The following ZNF536 variants were observed in gnomAD, a reference collection of about 807,000 sequenced individuals.
The protein encoded by ZNF536 is zinc finger protein 536.
ZNF536 carries 13 observed loss-of-function variants against 84.5 expected under a neutral mutation model. The ratio of observed to expected loss-of-function variants is 0.15; its 90% CI spans 0.10 to 0.24. The LOEUF is 0.24. Among genes scored for constraint, ZNF536 ranks in the 10% least tolerant of loss-of-function variants. ZNF536 has a pLI of 1.00. For missense variants in ZNF536, 1,536 were observed against 1,747.5 expected, an observed-to-expected ratio of 0.88 and a Z score of 2.16; for synonymous variants, 811 against 742.5, an observed-to-expected ratio of 1.09 and a Z score of -1.50.
At chr19:30,488,109 A>G (rs914686512) in intron 2 of ZNF536, among the ~76,000 whole-genome samples, 2 of 152,074 alleles carry the variant, frequency 1.3e-5, no homozygotes, top group African/African-American at 4.8e-5. Flanking sequence ...AGCCCTGTTC[A>G]ATTCTTCTTC....
At chr19:30,388,911 G>A (rs2049460848) in intron 1 of ZNF536, among the ~76,000 whole-genome samples, 1 of 152,160 alleles carries the variant, frequency 6.6e-6, no homozygotes, top group Non-Finnish European at 1.5e-5. Context: ...ATTTATGTAG[G>A]GTGAGCTGAC....
intron 1 of ZNF536, among the ~76,000 whole-genome samples, chr19:30,391,981 C>T (rs116994397): frequency 3.3e-4 from 50 of 152,236 alleles, no homozygotes; most frequent in African/African-American, 7.9e-4. Context: ...TATCCTCCCC[C>T]CTTCACCCCC....
At chr19:30,680,262 A>ATT (rs2050914317) in intron 1 of ZNF536, among the ~76,000 whole-genome samples, 13 of 78,232 alleles carry the variant, frequency 1.7e-4, no homozygotes, top group African/African-American at 3.8e-4. Context: ...TTATTTTATT[A>ATT]TTATTATACT....
At chr19:30,320,181 T>TA (rs907547722) in intron 2 of ZNF536, among the ~76,000 whole-genome samples, 2 of 152,040 alleles carry the variant, frequency 1.3e-5, no homozygotes, top group Non-Finnish European at 2.9e-5. Flanking sequence ...ATCACATGAT[T>TA]AAAAAAAACA....
intron 1 of ZNF536, among the ~76,000 whole-genome samples, chr19:30,668,190 A>G (rs2050406197): frequency 6.6e-6 from 1 of 152,220 alleles, no homozygotes; most frequent in Admixed American, 6.5e-5. Context: ...TCTCCAGGAA[A>G]TAAATTTTTG....
rs116935784 is a variant in ZNF536, at chr19:30,524,061, C to T, written c.2171-10786C>T. On this transcript the variant is annotated intron_variant, in intron 2 of 4. Coordinates refer to ENST00000355537, the MANE Select transcript of ZNF536 (RefSeq NM_014717.3). ...CACCCCGTGCCCAGGCCAGCCAATC[C>T]GACGGCGGCAGGCTCACAAGCCATT... 2.5e-4 allele frequency among the ~76,000 whole-genome samples: 38 copies of T among 152,314 alleles called. No homozygotes were observed. In the East Asian group the frequency reaches 5.6e-3, roughly 22 times the overall value.
At chr19:30,667,009 C>T (rs1363530040) in intron 1 of ZNF536, among the ~76,000 whole-genome samples, 2 of 152,080 alleles carry the variant, frequency 1.3e-5, no homozygotes, top group Admixed American at 6.5e-5. Flanking sequence ...TATCGCCTGA[C>T]CCTTGGGGCA....
chr19:30,375,576 A>G (rs2048784228), intron 1 of ZNF536, among the ~76,000 whole-genome samples: 1 of 152,082 alleles, frequency 6.6e-6, no homozygotes, highest in Non-Finnish European at 1.5e-5. Flanking sequence ...GGGGTGTGGG[A>G]GGTCCCGGGA....
intron 1 of ZNF536, among the ~76,000 whole-genome samples, chr19:30,672,628 AT>A (rs2050600298): frequency 6.6e-6 from 1 of 152,232 alleles, no homozygotes; most frequent in Non-Finnish European, 1.5e-5. Context: ...ATGGGGGAGA[AT>A]GATGAGAAGC....
intron 2 of ZNF536, among the ~76,000 whole-genome samples, chr19:30,450,020 GAAGAAA>G (rs36206792): frequency 0.55 from 78,470 of 143,702 alleles, 21,947 homozygotes; most frequent in Non-Finnish European, 0.62. Context: ...GCACCCAAAA[GAAGAAA>G]AAGAAAAAGA....
intron 2 of ZNF536, among the ~76,000 whole-genome samples, chr19:30,525,251 C>G (rs1317024525): frequency 6.6e-6 from 1 of 152,164 alleles, no homozygotes; most frequent in Admixed American, 6.5e-5. Context: ...GGCCTCCTCA[C>G]CCTGCAATCA....
At chr19:30,484,434 C>T in intron 2 of ZNF536, among the ~76,000 whole-genome samples, 1 of 128,304 alleles carries the variant, frequency 7.8e-6, no homozygotes, top group African/African-American at 3.1e-5. Flanking sequence ...GACAGGGTTT[C>T]ACCATGTTGG....
intron 2 of ZNF536, among the ~76,000 whole-genome samples, chr19:30,508,145 C>T (rs1019905699): frequency 6.6e-6 from 1 of 152,174 alleles, no homozygotes; most frequent in African/African-American, 2.4e-5. Context: ...GCTGTCGGCT[C>T]CCCCTGCCTC....
At chr19:30,326,790 G>A (rs59489683) in intron 2 of ZNF536, among the ~76,000 whole-genome samples, 959 of 32,474 alleles carry the variant, frequency 0.03, 33 homozygotes, top group African/African-American at 0.11. Flanking sequence ...TTTATAAAAA[G>A]CTTTTTTTTT....
chr19:30,287,510 G>A (rs1329248788), intron 2 of ZNF536, among the ~76,000 whole-genome samples: 4 of 150,288 alleles, frequency 2.7e-5, no homozygotes, highest in African/African-American at 7.3e-5. Context: ...AGATGGGTGG[G>A]TGGATGGATA....
At chr19:30,318,333 T>C (rs899195642) in intron 2 of ZNF536, among the ~76,000 whole-genome samples, 1 of 152,122 alleles carries the variant, frequency 6.6e-6, no homozygotes, top group African/African-American at 2.4e-5. Context: ...ATTTAACTGG[T>C]GTAATATCCA....
chr19:30,311,676 C>T (rs1172583465), intron 2 of ZNF536, among the ~76,000 whole-genome samples: 1 of 152,138 alleles, frequency 6.6e-6, no homozygotes, highest in Non-Finnish European at 1.5e-5. Flanking sequence ...GATACCTGCC[C>T]AACTTAGTTA....
intron 2 of ZNF536, among the ~76,000 whole-genome samples, chr19:30,292,557 G>A (rs1339059936): frequency 2.0e-5 from 3 of 152,156 alleles, no homozygotes; most frequent in African/African-American, 7.2e-5. Context: ...CTGACCTCAA[G>A]CGATCCTCTC....
chr19:30,439,955 CTTTCTTTTTTTTT>C (rs2051947464), intron 1 of ZNF536, among the ~76,000 whole-genome samples: 2 of 133,046 alleles, frequency 1.5e-5, no homozygotes, highest in African/African-American at 5.9e-5. Context: ...CTTTTTCTTT[CTTTCTTTTTTTTT>C]TTTTTTTTTT....
Sources: allele counts gnomAD v4.1 joint callset (sites outside exome capture counted in the v4.1 genomes callset), GRCh38; gene constraint gnomAD v4.1.1; transcripts MANE v1.5; gene names NCBI Gene and HGNC (gene_info 2026-07-23, HGNC 2026-07-21).